The following PARD3 variants were observed in gnomAD, a reference collection of about 807,000 sequenced individuals.
PARD3 encodes partitioning defective 3 homolog.
A neutral mutation model predicts 155.4 loss-of-function variants in PARD3; 75 were observed. That is an observed-to-expected ratio of 0.48 (90% CI 0.40 to 0.58). PARD3 has a LOEUF of 0.58. Ranked by LOEUF, PARD3 falls within the 20% of genes least tolerant of loss-of-function variation. PARD3 has a pLI of 0.00. For synonymous variants in PARD3, 576 were observed against 610.5 expected (o/e 0.94, Z 0.83); for missense variants, 1,642 against 1,721.7 (o/e 0.95, Z 0.82).
intron 20 of PARD3, 144 bp downstream of exon 20, chr10:34,316,963 G>A (rs1958046831): frequency 1.8e-6 from 1 of 566,772 alleles, no homozygotes; most frequent in African/African-American, 1.9e-5. Context: ...TTGGAATCCT[G>A]GGCTCCAGCA....
At chr10:34,724,368 C>T (rs1422495583) in intron 1 of PARD3, among the ~76,000 whole-genome samples, 3 of 152,124 alleles carry the variant, frequency 2.0e-5, no homozygotes, top group African/African-American at 7.2e-5. Context: ...GAAGATAGCA[C>T]TGTAATTTCC....
intron 2 of PARD3, among the ~76,000 whole-genome samples, chr10:34,601,406 A>G (rs944806798): frequency 6.6e-6 from 1 of 152,168 alleles, no homozygotes; most frequent in Admixed American, 6.5e-5. Flanking sequence ...GCGCCACTGC[A>G]CTCTACCTTG....
chr10:34,713,258 A>T lies in PARD3; in HGVS notation c.121-16839T>A, dbSNP rs561194901. Among the ~76,000 whole-genome samples the T allele has an allele frequency of 3.3e-5, 5 of 152,240 alleles. No homozygotes were observed. The South Asian group carries it at 1.0e-3, about 32-fold the overall frequency. On this transcript the variant is annotated intron_variant, in intron 1 of 24. Transcript: ENST00000374788. ...TTAAAAGTGGAAATTATTTTTAAAA[A>T]TAAAATAAATTTTAAAATAAAAACC...
Position 34,337,261 on chromosome 10 carries a change from G to T in PARD3, c.2560+14C>A. On this transcript the variant is annotated intron_variant, in intron 17 of 24. Coordinates refer to ENST00000374788, the MANE Select transcript of PARD3 (RefSeq NM_001184785.2). ...AAACTTATTTAGATAAAGATTCATG[G>T]AGATTGTACTCACTACCTAAATCCA... 1 of 1,503,626 alleles carries T rather than the reference G, an allele frequency of 6.7e-7. No individual in the cohort carries two copies. The highest frequency in any genetic ancestry group is 8.9e-7 in the Non-Finnish European group (1 of 1,118,046). 93.1% of individuals were successfully genotyped at this position (1,503,626 alleles called of 1,614,324 possible).
At chr10:34,781,272 G>A (rs545128258) in intron 1 of PARD3, among the ~76,000 whole-genome samples, 104 of 152,346 alleles carry the variant, frequency 6.8e-4, no homozygotes, top group African/African-American at 2.4e-3. Context: ...AGGCAGCTGC[G>A]GTATTTCACT....
chr10:34,792,575 T>G (rs976688203), intron 1 of PARD3, among the ~76,000 whole-genome samples: 1 of 152,264 alleles, frequency 6.6e-6, no homozygotes, highest in African/African-American at 2.4e-5. Context: ...TAGTCGTGAC[T>G]GCCCTGCAGT....
intron 22 of PARD3, among the ~76,000 whole-genome samples, chr10:34,136,180 C>G (rs1237329543): frequency 6.6e-6 from 1 of 152,132 alleles, no homozygotes; most frequent in African/African-American, 2.4e-5. Context: ...GCTGGTGGTG[C>G]TCTAGTAACA....
At chr10:34,331,573 T>A (rs964659906) in intron 18 of PARD3, among the ~76,000 whole-genome samples, 3 of 152,184 alleles carry the variant, frequency 2.0e-5, no homozygotes, top group Admixed American at 1.3e-4. Flanking sequence ...GGAAAAACTC[T>A]AAGTCATTAC....
intron 2 of PARD3, among the ~76,000 whole-genome samples, chr10:34,597,962 A>C (rs1320937994): frequency 6.6e-6 from 1 of 152,226 alleles, no homozygotes; most frequent in Admixed American, 6.5e-5. Context: ...TGGCTTTCTC[A>C]CAGGCTCTAA....
chr10:34,680,329 C>A (rs529657109), intron 2 of PARD3, among the ~76,000 whole-genome samples: 2 of 151,948 alleles, frequency 1.3e-5, no homozygotes, highest in African/African-American at 4.8e-5. Flanking sequence ...GAGGCCGAGG[C>A]GGGCTGATCA....
chr10:34,774,126 T>C (rs1053873085), intron 1 of PARD3, among the ~76,000 whole-genome samples: 3 of 152,118 alleles, frequency 2.0e-5, no homozygotes, highest in Non-Finnish European at 2.9e-5. Context: ...ACACACCTAT[T>C]TAGAAACAGA....
intron 2 of PARD3, among the ~76,000 whole-genome samples, chr10:34,666,816 T>TAC (rs1554804682): frequency 0.018 from 1,576 of 88,342 alleles, 37 homozygotes; most frequent in East Asian, 0.084. Context: ...TATATATATA[T>TAC]ACACACACAC....
intron 3 of PARD3, among the ~76,000 whole-genome samples, chr10:34,492,262 G>A (rs1197896745): frequency 1.3e-5 from 2 of 152,234 alleles, no homozygotes; most frequent in East Asian, 1.9e-4. Flanking sequence ...AGCACAGGAC[G>A]AAGCATGTGG....
intron 22 of PARD3, among the ~76,000 whole-genome samples, chr10:34,198,459 T>G (rs1398876850): frequency 7.5e-6 from 1 of 133,104 alleles, no homozygotes; most frequent in Non-Finnish European, 1.5e-5. Flanking sequence ...AATTGGTGTG[T>G]GTGTGTGTGT....
intron 3 of PARD3, among the ~76,000 whole-genome samples, chr10:34,506,095 C>T (rs2081045083): frequency 6.6e-6 from 1 of 152,010 alleles, no homozygotes; most frequent in African/African-American, 2.4e-5. Context: ...CACTGCACTC[C>T]AGCCTGGGCA....
chr10:34,151,354 A>G (rs1208420897), intron 22 of PARD3, among the ~76,000 whole-genome samples: 7 of 152,224 alleles, frequency 4.6e-5, no homozygotes, highest in Non-Finnish European at 1.0e-4. Flanking sequence ...ATTTGTTATC[A>G]ATAACTGTGG....
Position 34,495,189 on chromosome 10 carries a change from A to G in PARD3, c.403+21790T>C, listed in dbSNP as rs558243784. Among the ~76,000 whole-genome samples, 364 of 152,186 alleles carry G rather than the reference A, an allele frequency of 2.4e-3. 1 individual carries two copies. The highest frequency in any genetic ancestry group is 3.4e-3 in the Non-Finnish European group (229 of 67,992). Reference sequence around the variant, plus strand: ...AAAAAAAGCAAAAAAAAAACAAACAAAAACCCACAACTCAACACAAGCACA... The same window carrying G: ...AAAAAAAGCAAAAAAAAAACAAACAGAAACCCACAACTCAACACAAGCACA... On this transcript the variant is annotated intron_variant, in intron 3 of 24. Coordinates refer to ENST00000374788, the MANE Select transcript of PARD3 (RefSeq NM_001184785.2).
At chr10:34,746,456 A>G (rs146170738) in intron 1 of PARD3, among the ~76,000 whole-genome samples, 117 of 152,200 alleles carry the variant, frequency 7.7e-4, no homozygotes, top group East Asian at 2.9e-3. Context: ...TCTAAATATA[A>G]TAATAATTTC....
At chr10:34,799,537 C>T (rs1842646135) in intron 1 of PARD3, among the ~76,000 whole-genome samples, 1 of 152,158 alleles carries the variant, frequency 6.6e-6, no homozygotes, top group South Asian at 2.1e-4. Context: ...TTCCCTGAAC[C>T]CATAAGCCAT....
Sources: gnomAD v4.1 joint callset for allele counts (sites outside exome capture counted in the v4.1 genomes callset) on GRCh38, gnomAD v4.1.1 for gene constraint, MANE v1.5 for transcripts, NCBI Gene and HGNC (gene_info 2026-07-23, HGNC 2026-07-21) for gene names.